The following ADNP variants were observed in gnomAD, a reference collection of about 807,000 sequenced individuals.
The protein encoded by ADNP is activity-dependent neuroprotector homeobox protein.
Under a neutral mutation model 84.9 loss-of-function variants are expected in ADNP, and 4 were observed. The observed-to-expected ratio is 0.05, with a 90% CI of 0.02 to 0.11. The LOEUF is 0.11. ADNP is among the 10% of genes least tolerant of loss of function. The pLI is 1.00. For synonymous variants in ADNP, 554 were observed against 468.1 expected, an observed-to-expected ratio of 1.18 and a Z score of -2.37; for missense variants, 1,132 against 1,326.0, an observed-to-expected ratio of 0.85 and a Z score of 2.27.
intron 5 of ADNP, 121 bp downstream of exon 5, chr20:50,901,896 T>C: frequency 1.2e-6 from 1 of 813,298 alleles, no homozygotes; most frequent in Non-Finnish European, 2.1e-6. Flanking sequence ...TGAAATGCAA[T>C]TTTGACACTT....
At chr20:50,930,379 G>A (rs981608887) in intron 1 of ADNP, among the ~76,000 whole-genome samples, 2 of 147,474 alleles carry the variant, frequency 1.4e-5, no homozygotes, top group Non-Finnish European at 3.0e-5. Flanking sequence ...CCCTCCCCCA[G>A]GTAAGGGTGG....
intron 2 of ADNP, among the ~76,000 whole-genome samples, chr20:50,922,578 G>GTTTT (rs58775431): frequency 0.031 from 3,880 of 125,318 alleles, 157 homozygotes; most frequent in African/African-American, 0.075. Flanking sequence ...GTCCTCCTGC[G>GTTTT]TTTTTTTTTT....
At chr20:50,897,372 G>C (rs960848496) in intron 5 of ADNP, among the ~76,000 whole-genome samples, 1 of 152,142 alleles carries the variant, frequency 6.6e-6, no homozygotes, top group African/African-American at 2.4e-5. Context: ...GCGGGAACTT[G>C]TTCTAGTTCC....
chr20:50,895,852 A>G (rs889389084), intron 5 of ADNP, among the ~76,000 whole-genome samples: 2 of 152,196 alleles, frequency 1.3e-5, no homozygotes, highest in Non-Finnish European at 2.9e-5. Flanking sequence ...TTCTTCAATA[A>G]TAACCTCAGC....
rs184697035 is a variant in ADNP at position 50,891,905 on chromosome 20, C to T, written c.2809G>A (p.Glu937Lys). The T allele has an allele frequency of 1.5e-5, 24 of 1,614,186 alleles. No homozygotes were observed. In the Admixed American group the frequency reaches 1.5e-4, roughly 10 times the overall value. Reference protein sequence around the residue: ...LDQKEDGSKYETIHLTEEPTK... With the variant: ...LDQKEDGSKYKTIHLTEEPTK... Reference sequence around the variant, plus strand: ...GGTTCCTCAGTCAAATGAATAGTTTCGTATTTTGAACCATCCTCTTTTTGG... The same window carrying T: ...GGTTCCTCAGTCAAATGAATAGTTTTGTATTTTGAACCATCCTCTTTTTGG... The change falls in exon 6 of 6, where the codon GAA (glutamate) becomes AAA (lysine). Residue 937 changes from glutamate to lysine, a missense_variant. Glu to Lys is a moderately conservative substitution (Grantham distance 56, BLOSUM62 1). This residue lies in a region of ADNP where 381 missense variants were observed against 319.9 expected (regional missense o/e 1.19). Coordinates refer to ENST00000621696, the MANE Select transcript of ADNP (RefSeq NM_001282531.3).
intron 1 of ADNP, among the ~76,000 whole-genome samples, chr20:50,929,243 TGAG>T (rs1319511996): frequency 6.6e-6 from 1 of 152,170 alleles, no homozygotes; most frequent in African/African-American, 2.4e-5. Context: ...ATTCAAAACT[TGAG>T]GTGGAAGAAC....
At chr20:50,909,381 A>G (rs1255027326) in intron 2 of ADNP, 6 of 150,494 alleles carry the variant, frequency 4.0e-5, no homozygotes, top group Non-Finnish European at 5.9e-5. Flanking sequence ...AAAAAAAAAA[A>G]AAAAAAAAAA....
At chr20:50,907,287 C>CG (rs1568728521) in intron 2 of ADNP, among the ~76,000 whole-genome samples, 1 of 135,910 alleles carries the variant, frequency 7.4e-6, no homozygotes, top group Admixed American at 7.5e-5. Flanking sequence ...TTTTTTGAGA[C>CG]GGAGTTTTGC....
intron 2 of ADNP, among the ~76,000 whole-genome samples, chr20:50,920,147 T>TGC (rs1335915117): frequency 3.4e-5 from 5 of 147,928 alleles, no homozygotes; most frequent in Non-Finnish European, 7.4e-5. Flanking sequence ...CGTGGTGGTG[T>TGC]GCGCCTGTAA....
At chr20:50,902,231 G>A (rs970233004) in intron 4 of ADNP, 122 bp from the exon 5 acceptor site, 2 of 678,542 alleles carry the variant, frequency 2.9e-6, no homozygotes, top group African/African-American at 1.8e-5. Context: ...CGTCAACAAG[G>A]ACTTAAACTA....
intron 1 of ADNP, among the ~76,000 whole-genome samples, chr20:50,930,009 C>CG (rs1984563474): frequency 6.6e-6 from 1 of 151,662 alleles, no homozygotes; most frequent in Non-Finnish European, 1.5e-5. Context: ...GAGAAGCAAT[C>CG]GCGCCTTTTC....
At chr20:50,913,986 G>A in intron 2 of ADNP, 1 of 745,250 alleles carries the variant, frequency 1.3e-6, no homozygotes, top group Non-Finnish European at 2.5e-6. Context: ...GCCAGAATGA[G>A]ACTGTAAAAG....
intron 1 of ADNP, among the ~76,000 whole-genome samples, chr20:50,930,365 T>TC (rs1984611122): frequency 7.0e-6 from 1 of 143,778 alleles, no homozygotes; most frequent in Admixed American, 6.9e-5. Context: ...CCCAACCCCG[T>TC]CCCCCCTCCC....
At chr20:50,908,927 G>A (rs917994890) in intron 2 of ADNP, among the ~76,000 whole-genome samples, 1 of 151,854 alleles carries the variant, frequency 6.6e-6, no homozygotes, top group African/African-American at 2.4e-5. Context: ...AATGCAAAGA[G>A]AGCTAAAAAC....
rs1254141025 is a variant in ADNP, at chr20:50,889,797, G to A, written c.*1608C>T. The stretch of plus-strand genomic sequence containing the variant: ...CAAGTTCTCTTGGGAATCTACGCAT[G>A]GTAAAAATACCAGCTCCTTCCATCT... On this transcript the variant is annotated 3_prime_UTR_variant, in exon 6 of 6. Transcript: ENST00000621696. The A allele has an allele frequency of 7.5e-6, 3 of 398,250 alleles. No homozygotes were observed. In the East Asian group the frequency reaches 1.1e-4, roughly 14 times the overall value. 24.7% of individuals were successfully genotyped at this position (398,250 alleles called of 1,614,324 possible). A position where few individuals can be genotyped will look rare whatever the true frequency, so the allele number is the denominator to read the frequency against.
intron 2 of ADNP, among the ~76,000 whole-genome samples, chr20:50,916,575 T>C (rs1983525917): frequency 6.6e-6 from 1 of 152,224 alleles, no homozygotes; most frequent in South Asian, 2.1e-4. Flanking sequence ...TAAACTGTTA[T>C]TCGGATGTGA....
chr20:50,899,867 ATTTTTTTTT>A (rs142777741), intron 5 of ADNP, among the ~76,000 whole-genome samples: 7 of 131,276 alleles, frequency 5.3e-5, no homozygotes, highest in African/African-American at 2.1e-4. Context: ...CAGCTGTACA[ATTTTTTTTT>A]TTTTTTTTTT....
chr20:50,896,984 C>T (rs1056508969), intron 5 of ADNP, among the ~76,000 whole-genome samples: 2 of 152,182 alleles, frequency 1.3e-5, no homozygotes, highest in East Asian at 3.8e-4. Flanking sequence ...TCTTGTCACC[C>T]AAGCTGGAGT....
In ADNP at chr20:50,893,331, A is replaced by G. The variant is rs1213453391; in HGVS notation, c.1383T>C (p.Tyr461=). The change falls in exon 6 of 6, where the codon TAT becomes TAC. Residue 461 remains tyrosine, a synonymous_variant. Coordinates refer to ENST00000621696, the MANE Select transcript of ADNP (RefSeq NM_001282531.3). This position sits in a 1 kb window ranked among gnomAD's most constrained non-coding sequence, Gnocchi z 4.4. The stretch of plus-strand genomic sequence containing the variant: ...TATGTTCTTTTTCGAAGTGCACACT[A>G]TAGACATTTTCAGGAAAAAGCTCAT... ...ICNELFPENV[Y]SVHFEKEHKA... is the part of the protein sequence containing the mutation. 1.2e-6 allele frequency: 2 copies of G among 1,614,228 alleles called. No individual in the cohort carries two copies. Among genetic ancestry groups the G allele is most frequent in the South Asian group, 1.1e-5 (1 of 91,080 alleles).
Sources: gnomAD v4.1 joint callset for allele counts (sites outside exome capture counted in the v4.1 genomes callset) on GRCh38, gnomAD v4.1.1 for gene constraint, gnomAD v4.1.1 regional missense constraint, Gnocchi (gnomAD v3.1) non-coding constraint, MANE v1.5 for transcripts, NCBI Gene and HGNC (gene_info 2026-07-23, HGNC 2026-07-21) for gene names.